The following NR6A1 variants were observed in gnomAD, a reference collection of about 807,000 sequenced individuals.
The protein encoded by NR6A1 is retinoic acid receptor-related testis-associated receptor.
In NR6A1, 7 loss-of-function variants were observed where a neutral mutation model predicts 59.1. The observed-to-expected ratio is 0.12, with a 90% CI of 0.07 to 0.22. NR6A1 has a LOEUF of 0.22. NR6A1 is among the 10% of genes least tolerant of loss of function. NR6A1 has a pLI of 1.00. For missense variants in NR6A1, 468 were observed against 611.6 expected (o/e 0.77, Z 2.48); for synonymous variants, 243 against 236.1 (o/e 1.03, Z -0.27).
chr9:124,520,253 C>T lies in NR6A1; in HGVS notation c.*2452G>A, dbSNP rs1011638528. 1 of 152,204 alleles carries T rather than the reference C, an allele frequency of 6.6e-6. No individual in the cohort carries two copies. Among genetic ancestry groups the T allele is most frequent in the Non-Finnish European group, 1.5e-5 (1 of 68,042 alleles). 9.4% of individuals were successfully genotyped at this position (152,204 alleles called of 1,614,324 possible). A position where few individuals can be genotyped will look rare whatever the true frequency, so the allele number is the denominator to read the frequency against. On this transcript the variant is annotated 3_prime_UTR_variant, in exon 10 of 10. Transcript: ENST00000487099. ...CTTTACCCTGTTTAAAAAAAGCCCA[C>T]GTCATAAAAGGACTGGTGCAGAAGA...
At chr9:124,575,523 G>A (rs1210611321) in intron 2 of NR6A1, among the ~76,000 whole-genome samples, 1 of 151,668 alleles carries the variant, frequency 6.6e-6, no homozygotes, top group African/African-American at 2.4e-5. Context: ...TCAATGAGCC[G>A]AGATCACACC....
At chr9:124,630,095 A>C (rs923492949) in intron 2 of NR6A1, among the ~76,000 whole-genome samples, 1 of 152,320 alleles carries the variant, frequency 6.6e-6, no homozygotes, top group African/African-American at 2.4e-5. Flanking sequence ...GCAAATACCT[A>C]CAAATACAGA....
chr9:124,685,530 A>AT (rs1245886952), intron 2 of NR6A1, among the ~76,000 whole-genome samples: 1 of 152,098 alleles, frequency 6.6e-6, no homozygotes, highest in Non-Finnish European at 1.5e-5. Context: ...GGGTCTCCTT[A>AT]TGTTGCCCTG....
At chr9:124,666,275 C>CTTTTTTTTTTTTTTTTTTTTTTTTTTTTT (rs922378385) in intron 2 of NR6A1, among the ~76,000 whole-genome samples, 3 of 103,050 alleles carry the variant, frequency 2.9e-5, no homozygotes, top group African/African-American at 1.3e-4. Context: ...CTATGTGGTT[C>CTTTTTTTTTTTTTTTTTTTTTTTTTTTTT]TTTTTTTTTT....
chr9:124,584,912 C>T (rs535925093), intron 2 of NR6A1, among the ~76,000 whole-genome samples: 1 of 152,300 alleles, frequency 6.6e-6, no homozygotes, highest in African/African-American at 2.4e-5. Context: ...CCTCTTGCTC[C>T]AAAGAGCCAA....
chr9:124,616,402 C>CAAAAAA (rs71372978), intron 2 of NR6A1, among the ~76,000 whole-genome samples: 2 of 68,296 alleles, frequency 2.9e-5, no homozygotes, highest in African/African-American at 4.2e-5. Context: ...GACTCCATCT[C>CAAAAAA]AAAAAAAAAA....
chr9:124,732,210 T>C (rs1839903428), intron 2 of NR6A1, among the ~76,000 whole-genome samples: 1 of 152,182 alleles, frequency 6.6e-6, no homozygotes, highest in Non-Finnish European at 1.5e-5. Context: ...AAAGGTAAGC[T>C]TTATCACTGA....
chr9:124,629,928 T>A (rs1207666723), intron 2 of NR6A1, among the ~76,000 whole-genome samples: 1 of 152,236 alleles, frequency 6.6e-6, no homozygotes, highest in Non-Finnish European at 1.5e-5. Context: ...TAATTTTTCA[T>A]TAAAGTGTAA....
intron 1 of NR6A1, among the ~76,000 whole-genome samples, chr9:124,757,894 T>G (rs1421262894): frequency 6.6e-6 from 1 of 152,236 alleles, no homozygotes; most frequent in Non-Finnish European, 1.5e-5. Context: ...TTTACAGTGT[T>G]TCACACACTT....
intron 2 of NR6A1, among the ~76,000 whole-genome samples, chr9:124,675,814 T>C (rs1477925499): frequency 1.3e-5 from 2 of 152,266 alleles, no homozygotes; most frequent in East Asian, 3.9e-4. Context: ...GAATTCTCAA[T>C]TGAAGGTGCC....
chr9:124,759,664 C>T (rs573095894), intron 1 of NR6A1, among the ~76,000 whole-genome samples: 33 of 152,314 alleles, frequency 2.2e-4, no homozygotes, highest in Admixed American at 1.7e-3. Context: ...TAACTCAAAA[C>T]GCCTTCATTC....
chr9:124,540,150 T>C lies in NR6A1; in HGVS notation c.479A>G (p.Gln160Arg). 2 of 1,614,026 alleles carry C rather than the reference T, an allele frequency of 1.2e-6. No individual in the cohort carries two copies. Among genetic ancestry groups the C allele is most frequent in the Non-Finnish European group, 1.7e-6 (2 of 1,179,930 alleles). ...GTGATTGGCCTCTTCCTCAAACTCC[T>C]GCCCAGACATGATCCTTTCGATTTC... is the stretch of plus-strand genomic sequence containing the variant. Reference protein sequence around the residue: ...EEEIERIMSGQEFEEEANHWS... With the variant: ...EEEIERIMSGREFEEEANHWS... The change falls in exon 5 of 10, where the codon CAG becomes CGG. Residue 160 changes from glutamine (Q) to arginine (R), a missense_variant. By Grantham distance (43) the Gln-to-Arg change is conservative. Transcript: ENST00000487099.
chr9:124,726,151 AGTTTTTTTAGTTG>A (rs1213490408), intron 2 of NR6A1, among the ~76,000 whole-genome samples: 1 of 152,210 alleles, frequency 6.6e-6, no homozygotes, highest in Non-Finnish European at 1.5e-5. Flanking sequence ...TAAACACTCA[AGTTTTTTTAGTTG>A]GGGTCATGTC....
chr9:124,627,067 TACA>T lies in NR6A1; in HGVS notation c.143-72500_143-72498del, dbSNP rs754481924. Among the ~76,000 whole-genome samples, 4 of 152,334 alleles carry T rather than the reference TACA, an allele frequency of 2.6e-5. No homozygotes were observed. The South Asian group carries it at 8.3e-4, about 32-fold the overall frequency. On this transcript the variant is annotated intron_variant, in intron 2 of 9. Coordinates refer to ENST00000487099, the MANE Select transcript of NR6A1 (RefSeq NM_033334.4). Reference sequence around the variant, plus strand: ...TATTTAGAAAATGCTTTTGGAAGAATACAACATTTCTTGAGCACTTCCAGAGTA... The same window carrying T: ...TATTTAGAAAATGCTTTTGGAAGAATACATTTCTTGAGCACTTCCAGAGTA...
intron 1 of NR6A1, among the ~76,000 whole-genome samples, chr9:124,746,497 G>A (rs538142675): frequency 1.3e-5 from 2 of 152,214 alleles, no homozygotes; most frequent in East Asian, 3.9e-4. Flanking sequence ...GCTGAGACAG[G>A]AGAATCACTT....
chr9:124,660,095 TC>T (rs946439963), intron 2 of NR6A1, among the ~76,000 whole-genome samples: 8 of 152,226 alleles, frequency 5.3e-5, no homozygotes, highest in African/African-American at 1.9e-4. Flanking sequence ...TCTCTTACTT[TC>T]TGCATCTATG....
intron 1 of NR6A1, among the ~76,000 whole-genome samples, chr9:124,742,048 T>C (rs1840185415): frequency 6.6e-6 from 1 of 152,172 alleles, no homozygotes; most frequent in African/African-American, 2.4e-5. Flanking sequence ...AAAAACAGAA[T>C]GTTACTTGGT....
At chr9:124,665,977 A>G (rs1053281642) in intron 2 of NR6A1, among the ~76,000 whole-genome samples, 3 of 152,250 alleles carry the variant, frequency 2.0e-5, no homozygotes, top group African/African-American at 7.2e-5. Flanking sequence ...CAATGAAGCA[A>G]TATTATCTCC....
chr9:124,663,568 C>T (rs1412402473), intron 2 of NR6A1, among the ~76,000 whole-genome samples: 1 of 152,066 alleles, frequency 6.6e-6, no homozygotes, highest in African/African-American at 2.4e-5. Flanking sequence ...TAAACACTGA[C>T]CAGTGTTTCT....
Sources: gnomAD v4.1 joint callset for allele counts (sites outside exome capture counted in the v4.1 genomes callset) on GRCh38, gnomAD v4.1.1 for gene constraint, MANE v1.5 for transcripts, NCBI Gene and HGNC (gene_info 2026-07-23, HGNC 2026-07-21) for gene names.